The following NBAS variants were observed in gnomAD, a reference collection of about 807,000 sequenced individuals.
NBAS encodes NBAS subunit of NRZ tethering complex, also known as NAG/BC035112 fusion.
In NBAS, 219 loss-of-function variants were observed where a neutral mutation model predicts 302.5. The observed-to-expected ratio is 0.72, with a 90% CI of 0.65 to 0.81. The LOEUF is 0.81. Among genes scored for constraint, NBAS ranks in the 30% least tolerant of loss-of-function variants. NBAS has a pLI of 0.00. For missense variants in NBAS, 2,932 were observed against 2,841.6 expected, an observed-to-expected ratio of 1.03 and a Z score of -0.72; for synonymous variants, 1,118 against 1,021.6, an observed-to-expected ratio of 1.09 and a Z score of -1.80.
chr2:14,809,796 A>G, the NBAS span, among the ~76,000 whole-genome samples: 370 of 152,298 alleles, frequency 2.4e-3, no homozygotes, highest in African/African-American at 8.1e-3. Context: ...GACACTCAGC[A>G]CCAGCCTGTG....
chr2:15,002,568 G>T, the NBAS span, among the ~76,000 whole-genome samples: 1 of 152,226 alleles, frequency 6.6e-6, no homozygotes, highest in African/African-American at 2.4e-5. Context: ...GATGGGACTG[G>T]GTGCTGTGGA....
chr2:15,423,277 T>C (rs1198260171), intron 23 of NBAS, among the ~76,000 whole-genome samples: 2 of 152,212 alleles, frequency 1.3e-5, no homozygotes, highest in South Asian at 2.1e-4. Flanking sequence ...TGCATCTTCA[T>C]AGACTAGGAT....
In NBAS at chr2:15,330,639, GC is replaced by G. The variant is rs1558540658; in HGVS notation, c.4305del (p.Gln1436SerfsTer7). The G allele has an allele frequency of 6.2e-7, 1 of 1,614,004 alleles. No homozygotes were observed. The highest frequency in any genetic ancestry group is 1.3e-5 in the African/African-American group (1 of 75,018). On this transcript the variant is annotated frameshift_variant, in exon 36 of 52. Coordinates refer to ENST00000281513, the MANE Select transcript of NBAS (RefSeq NM_015909.4). LOFTEE classifies it high-confidence loss of function. ...TKAVLQAVSD[G>X]QWWKKSLTYL... Reference sequence around the variant, plus strand: ...TAAGTTAAAGACTTCTTCCACCACTGCCCATCACTGACGGCCTGCAGCACCG... The same window carrying G: ...TAAGTTAAAGACTTCTTCCACCACTGCCATCACTGACGGCCTGCAGCACCG...
rs142747790 is a variant in NBAS at position 15,416,085 on chromosome 2, C to CAGAGAG, written c.2764-372_2764-367dup. Among the ~76,000 whole-genome samples the CAGAGAG allele has an allele frequency of 9.9e-3, 1,460 of 147,828 alleles. 21 individuals carry two copies. The highest frequency in any genetic ancestry group is 0.058 in the East Asian group (295 of 5,048). On this transcript the variant is annotated intron_variant, in intron 24 of 51. Coordinates refer to ENST00000281513, the MANE Select transcript of NBAS (RefSeq NM_015909.4). Reference sequence around the variant, plus strand: ...AGCAAAGAGAAGGCATACGCAAAAACAGAGAGAGAGAGAGAGAGAGAGAGT... The same window carrying CAGAGAG: ...AGCAAAGAGAAGGCATACGCAAAAACAGAGAGAGAGAGAGAGAGAGAGAGAGAGAGT...
chr2:15,354,707 A>C (rs1181398106), intron 33 of NBAS, among the ~76,000 whole-genome samples: 1 of 152,228 alleles, frequency 6.6e-6, no homozygotes, highest in Non-Finnish European at 1.5e-5. Flanking sequence ...CTGTGACCAA[A>C]GTTAAATCAG....
the NBAS span, among the ~76,000 whole-genome samples, chr2:15,056,730 A>G: frequency 6.6e-6 from 1 of 151,772 alleles, no homozygotes; most frequent in African/African-American, 2.4e-5. Flanking sequence ...GGTAAGTTTT[A>G]TGTCAGGTTG....
At chr2:14,827,014 C>T in the NBAS span, among the ~76,000 whole-genome samples, 17,853 of 152,142 alleles carry the variant, frequency 0.12, 1,193 homozygotes, top group African/African-American at 0.16. Context: ...TCACATTGCA[C>T]CCAGAAGCAG....
chr2:14,787,096 G>C, the NBAS span, among the ~76,000 whole-genome samples: 13 of 152,152 alleles, frequency 8.5e-5, no homozygotes, highest in East Asian at 2.5e-3. Context: ...TGTCTCTTTT[G>C]ATCTTTGTTG....
rs1200152248 is a variant in NBAS, at chr2:15,464,966, A to G, written c.2097+2363T>C. On this transcript the variant is annotated intron_variant, in intron 19 of 51. Coordinates refer to ENST00000281513, the MANE Select transcript of NBAS (RefSeq NM_015909.4). ...GGCTACTCGTCAGAGAGACCTGATT[A>G]TGAGCCCTTGCTTCCTATTTATTTG... 5.9e-5 allele frequency among the ~76,000 whole-genome samples: 9 copies of G among 152,354 alleles called. No individual in the cohort carries two copies. The East Asian group carries it at 1.5e-3, about 26-fold the overall frequency.
At chr2:15,213,905 C>G (rs1288374672) in intron 48 of NBAS, among the ~76,000 whole-genome samples, 1 of 152,166 alleles carries the variant, frequency 6.6e-6, no homozygotes. Flanking sequence ...GAGCTATATC[C>G]AAACATTTCA....
At chr2:15,535,463 A>G (rs1036881716) in intron 8 of NBAS, among the ~76,000 whole-genome samples, 1 of 152,026 alleles carries the variant, frequency 6.6e-6, no homozygotes, top group African/African-American at 2.4e-5. Flanking sequence ...CAGAGCTTGC[A>G]GTGAGCCAAG....
intron 48 of NBAS, among the ~76,000 whole-genome samples, chr2:15,212,592 C>T (rs559075597): frequency 3.3e-5 from 5 of 152,206 alleles, no homozygotes; most frequent in Admixed American, 2.6e-4. Context: ...TTGGCTGTGT[C>T]CCCACCCAAA....
At chr2:15,262,537 C>A (rs1045396048) in intron 44 of NBAS, among the ~76,000 whole-genome samples, 1 of 152,138 alleles carries the variant, frequency 6.6e-6, no homozygotes, top group Non-Finnish European at 1.5e-5. Context: ...TTCCCAAAGT[C>A]AAAACTGGAT....
intron 42 of NBAS, among the ~76,000 whole-genome samples, chr2:15,286,697 A>G (rs1670059244): frequency 6.6e-6 from 1 of 152,158 alleles, no homozygotes. Context: ...AAACCCTCCA[A>G]TTGAGCTCAA....
At chr2:15,378,241 C>A (rs1674849292) in intron 30 of NBAS, among the ~76,000 whole-genome samples, 1 of 152,076 alleles carries the variant, frequency 6.6e-6, no homozygotes, top group Non-Finnish European at 1.5e-5. Flanking sequence ...TGAGGATCAA[C>A]ACAACTCTGA....
At chr2:15,491,977 T>C (rs1237056749) in intron 11 of NBAS, among the ~76,000 whole-genome samples, 1 of 152,218 alleles carries the variant, frequency 6.6e-6, no homozygotes, top group African/African-American at 2.4e-5. Context: ...ATAAATTGTA[T>C]TAACTAGAAT....
intron 50 of NBAS, 143 bp from the exon 51 acceptor site, chr2:15,179,259 C>T: frequency 8.1e-7 from 1 of 1,240,912 alleles, no homozygotes; most frequent in African/African-American, 1.5e-5. Context: ...ACTGGATATA[C>T]TGAATATGGG....
the NBAS span, among the ~76,000 whole-genome samples, chr2:14,805,117 A>C: frequency 6.6e-6 from 1 of 152,188 alleles, no homozygotes; most frequent in Non-Finnish European, 1.5e-5. Flanking sequence ...ACAGGATCAG[A>C]AGCAGCTGGG....
chr2:14,840,089 A>C, the NBAS span, among the ~76,000 whole-genome samples: 2 of 152,016 alleles, frequency 1.3e-5, no homozygotes, highest in Non-Finnish European at 2.9e-5. Flanking sequence ...GATTGAAATA[A>C]ATTTTTAAAA....
Sources: gnomAD v4.1 joint callset for allele counts (sites outside exome capture counted in the v4.1 genomes callset) on GRCh38, gnomAD v4.1.1 for gene constraint, MANE v1.5 for transcripts, NCBI Gene and HGNC (gene_info 2026-07-23, HGNC 2026-07-21) for gene names.